Variants in MYO18A observed in about 807,000 individuals in gnomAD.
The protein encoded by MYO18A is unconventional myosin-XVIIIa.
A neutral mutation model predicts 235.8 loss-of-function variants in MYO18A; 78 were observed. The observed-to-expected ratio is 0.33, with a 90% CI of 0.28 to 0.40. The LOEUF is 0.40. Ranked by LOEUF, MYO18A falls within the 10% of genes least tolerant of loss-of-function variation. The probability of loss-of-function intolerance (pLI) is 1.00; values close to 1 mark genes in which losing one functional copy is unlikely to be tolerated. For synonymous variants in MYO18A, 977 were observed against 1,077.8 expected (o/e 0.91, Z 1.83); for missense variants, 2,215 against 2,699.3 (o/e 0.82, Z 3.98).
chr17:29,172,029 C>T (rs1485934794), intron 1 of MYO18A, among the ~76,000 whole-genome samples: 1 of 151,908 alleles, frequency 6.6e-6, no homozygotes, highest in Non-Finnish European at 1.5e-5. Flanking sequence ...AATTCTTTAA[C>T]TTTTCTGAAT....
chr17:29,115,204 G>A, intron 13 of MYO18A, 105 bp from the exon 14 acceptor site: 1 of 1,433,490 alleles, frequency 7.0e-7, no homozygotes, highest in Non-Finnish European at 9.5e-7. Context: ...GACCCTGGTG[G>A]GGAGGGCATG....
At chr17:29,098,731 T>C in intron 23 of MYO18A, 95 bp downstream of exon 23, 1 of 1,489,156 alleles carries the variant, frequency 6.7e-7, no homozygotes, top group East Asian at 2.4e-5. Context: ...GGATGACAGC[T>C]CTCTGGACTA....
intron 2 of MYO18A, among the ~76,000 whole-genome samples, chr17:29,143,997 C>T (rs1430186030): frequency 6.6e-6 from 1 of 152,236 alleles, no homozygotes; most frequent in Non-Finnish European, 1.5e-5. Context: ...GGCCATATGT[C>T]TGCTTTTTAA....
At chr17:29,086,662 G>C (rs1208161938) in intron 38 of MYO18A, 85 bp from the exon 39 acceptor site, 2 of 1,500,788 alleles carry the variant, frequency 1.3e-6, no homozygotes, top group African/African-American at 2.8e-5. Context: ...AGTACTTTCC[G>C]GTCATGGGGG....
Position 29,121,573 on chromosome 17 carries a change from C to A in MYO18A, c.1345G>T (p.Gly449Trp). 1 of 1,604,364 alleles carries A rather than the reference C, an allele frequency of 6.2e-7. No individual in the cohort carries two copies. The highest frequency in any genetic ancestry group is 8.5e-7 in the Non-Finnish European group (1 of 1,176,102). ...TTCTCAGAGTACACAGCAGGGGCCC[C>A]ACGGGGGCCAAGAACCAGCAGGCTG... ...GPSLLVLGPR[G>W]APAVYSEKVM... The change falls in exon 5 of 42, where the codon GGG becomes TGG. Residue 449 changes from glycine to tryptophan, a missense_variant. Physicochemically the swap from Gly to Trp is radical, Grantham distance 184. Coordinates refer to ENST00000527372, the MANE Select transcript of MYO18A (RefSeq NM_078471.4). This position sits in a 1 kb window ranked among gnomAD's most constrained non-coding sequence, Gnocchi z 4.2.
intron 15 of MYO18A, 105 bp downstream of exon 15, chr17:29,113,904 CCA>C: frequency 1.1e-6 from 1 of 881,168 alleles, no homozygotes; most frequent in Non-Finnish European, 1.8e-6. Context: ...CTCCCTCAGC[CCA>C]CAGTGGCACC....
At chr17:29,084,668 C>T (rs1420493393) in intron 40 of MYO18A, among the ~76,000 whole-genome samples, 1 of 152,174 alleles carries the variant, frequency 6.6e-6, no homozygotes, top group African/African-American at 2.4e-5. Flanking sequence ...CAGCGGCCCT[C>T]TATCACTGTT....
Position 29,073,146 on chromosome 17 carries a change from AGAG to A in MYO18A, c.*1621_*1623del, listed in dbSNP as rs1315479177. On this transcript the variant is annotated 3_prime_UTR_variant, in exon 42 of 42. Coordinates refer to ENST00000527372, the MANE Select transcript of MYO18A (RefSeq NM_078471.4). ...GGGACGGAAGGAGGAAGAGAAGAGA[AGAG>A]AAGAGAATCTCTGTAATTGGTGAGA... The A allele has an allele frequency of 6.6e-6, 1 of 152,124 alleles. No individual in the cohort carries two copies. The highest frequency in any genetic ancestry group is 1.5e-5 in the Non-Finnish European group (1 of 68,046). 9.4% of individuals were successfully genotyped at this position (152,124 alleles called of 1,614,324 possible). A position where few individuals can be genotyped will look rare whatever the true frequency, so the allele number is the denominator to read the frequency against.
chr17:29,148,798 G>A (rs1465035836), intron 2 of MYO18A, among the ~76,000 whole-genome samples: 1 of 152,196 alleles, frequency 6.6e-6, no homozygotes, highest in East Asian at 1.9e-4. Context: ...GGAGGGCTGA[G>A]AGGAAACCTG....
intron 28 of MYO18A, among the ~76,000 whole-genome samples, chr17:29,095,895 A>T (rs2066507970): frequency 6.6e-6 from 1 of 152,008 alleles, no homozygotes; most frequent in Admixed American, 6.5e-5. Flanking sequence ...GGGTGCTCAG[A>T]AGGGGGGTCG....
intron 2 of MYO18A, among the ~76,000 whole-genome samples, chr17:29,157,968 A>AT (rs543204949): frequency 3.9e-4 from 60 of 151,958 alleles, no homozygotes; most frequent in African/African-American, 1.4e-3. Flanking sequence ...TAATTTTTGT[A>AT]TTTTTTGCAG....
Position 29,074,018 on chromosome 17 carries a change from G to T in MYO18A, c.*752C>A. The T allele has an allele frequency of 4.3e-6, 7 of 1,614,076 alleles. No homozygotes were observed. The highest frequency in any genetic ancestry group is 5.9e-6 in the Non-Finnish European group (7 of 1,180,018). On this transcript the variant is annotated 3_prime_UTR_variant, in exon 42 of 42. Transcript: ENST00000527372. This position sits in a 1 kb window ranked among gnomAD's most constrained non-coding sequence, Gnocchi z 4.4. The stretch of plus-strand genomic sequence containing the variant: ...CTGAGACAAAGAGGGTGGGGTGGGG[G>T]CTGGAGGTGCGGATGGTCCACACAC...
intron 2 of MYO18A, among the ~76,000 whole-genome samples, chr17:29,148,422 A>G (rs1266757383): frequency 2.0e-5 from 3 of 152,196 alleles, no homozygotes; most frequent in Non-Finnish European, 4.4e-5. Flanking sequence ...TTGAAGTGGG[A>G]GGGCCCAGCC....
intron 1 of MYO18A, among the ~76,000 whole-genome samples, chr17:29,172,590 C>T (rs144804211): frequency 0.011 from 1,632 of 152,210 alleles, 24 homozygotes; most frequent in Middle Eastern, 0.037. Context: ...ATAATGGTAC[C>T]TACCACCTAA....
intron 2 of MYO18A, among the ~76,000 whole-genome samples, chr17:29,152,067 T>C (rs2067974538): frequency 1.3e-5 from 2 of 152,074 alleles, no homozygotes. Flanking sequence ...GTCTGACCAC[T>C]GTTGTGTTCC....
chr17:29,116,374 CAT>C (rs1305026885), intron 11 of MYO18A, 68 bp downstream of exon 11: 12 of 1,587,794 alleles, frequency 7.6e-6, no homozygotes, highest in Non-Finnish European at 9.5e-6. Context: ...CCCGCACAGA[CAT>C]ATGTGCCTCA....
intron 40 of MYO18A, among the ~76,000 whole-genome samples, chr17:29,083,286 A>G (rs2066163536): frequency 1.3e-5 from 2 of 152,102 alleles, no homozygotes; most frequent in Non-Finnish European, 2.9e-5. Flanking sequence ...AGAAAGCCCA[A>G]AGGAGTCCAA....
chr17:29,167,803 T>G (rs1252702357), intron 1 of MYO18A, among the ~76,000 whole-genome samples: 1 of 152,156 alleles, frequency 6.6e-6, no homozygotes, highest in African/African-American at 2.4e-5. Flanking sequence ...CATCCCATTC[T>G]TTGGACTCTT....
intron 2 of MYO18A, among the ~76,000 whole-genome samples, chr17:29,154,214 G>A (rs1054785102): frequency 7.2e-5 from 11 of 152,064 alleles, no homozygotes; most frequent in African/African-American, 2.4e-4. Flanking sequence ...TCCCCAGGTC[G>A]AAGTTAGGTG....
Sources: allele counts gnomAD v4.1 joint callset (sites outside exome capture counted in the v4.1 genomes callset), GRCh38; gene constraint gnomAD v4.1.1; non-coding constraint Gnocchi (gnomAD v3.1); transcripts MANE v1.5; gene names NCBI Gene and HGNC (gene_info 2026-07-23, HGNC 2026-07-21).